LINGO1: variants seen among roughly 807,000 people sequenced by gnomAD.
LINGO1 encodes leucine-rich repeat and immunoglobulin-like domain-containing nogo receptor-interacting protein 1.
LINGO1 carries 11 observed loss-of-function variants against 37.3 expected under a neutral mutation model. The observed-to-expected ratio is 0.29, with a 90% CI of 0.19 to 0.49. The LOEUF (loss-of-function observed/expected upper bound fraction) is 0.49, where lower values mean the gene tolerates loss of function less well. Among genes scored for constraint, LINGO1 ranks in the 20% least tolerant of loss-of-function variants. LINGO1 has a pLI of 0.99. For synonymous variants in LINGO1, 387 were observed against 403.0 expected (o/e 0.96, Z 0.48); for missense variants, 585 against 878.2 (o/e 0.67, Z 4.22).
upstream of LINGO1, among the ~76,000 whole-genome samples, chr15:77,636,699 T>G (rs1307245066): frequency 5.3e-5 from 8 of 152,072 alleles, no homozygotes; most frequent in Non-Finnish European, 1.0e-4. Context: ...TGGGGGGGTC[T>G]CTAAGCTCAG....
chr15:77,674,683 T>C (rs1275297461), intron 3 of LINGO1, among the ~76,000 whole-genome samples: 1 of 152,128 alleles, frequency 6.6e-6, no homozygotes, highest in East Asian at 1.9e-4. Context: ...CACTTCTTGC[T>C]GGTCTTTACT....
chr15:77,688,807 T>C (rs62009135), intron 2 of LINGO1, among the ~76,000 whole-genome samples: 14,439 of 152,306 alleles, frequency 0.095, 858 homozygotes, highest in Non-Finnish European at 0.13. Context: ...ACAAGGTTAT[T>C]AAGCAACTGC....
intron 1 of LINGO1, among the ~76,000 whole-genome samples, chr15:77,814,515 A>G (rs1355636170): frequency 6.6e-6 from 1 of 152,220 alleles, no homozygotes; most frequent in Non-Finnish European, 1.5e-5. Flanking sequence ...AACCTGACCC[A>G]CTTCCCTTTC....
At chr15:77,691,596 C>T (rs2075604006) in intron 1 of LINGO1, among the ~76,000 whole-genome samples, 1 of 152,090 alleles carries the variant, frequency 6.6e-6, no homozygotes, top group African/African-American at 2.4e-5. Context: ...GCCCCTCTAG[C>T]AAAGCAGCCC....
At chr15:77,762,932 C>G (rs1434151074) in intron 1 of LINGO1, among the ~76,000 whole-genome samples, 1 of 152,334 alleles carries the variant, frequency 6.6e-6, no homozygotes, top group African/African-American at 2.4e-5. Flanking sequence ...TCTGTCACCC[C>G]AGCACCAGCT....
intron 2 of LINGO1, among the ~76,000 whole-genome samples, chr15:77,687,870 G>A (rs759383531): frequency 4.3e-4 from 65 of 152,302 alleles, no homozygotes; most frequent in South Asian, 1.0e-3. Flanking sequence ...TTCCAAAAGA[G>A]GGAAGCAGAA....
At chr15:77,654,751 T>C (rs1188877287) in intron 3 of LINGO1, among the ~76,000 whole-genome samples, 5 of 152,188 alleles carry the variant, frequency 3.3e-5, no homozygotes, top group Non-Finnish European at 1.5e-5. Flanking sequence ...GGTAAGTTAC[T>C]GTCCTTTTCT....
At chr15:77,718,999 TG>T (rs1328112220) in intron 2 of LINGO1, among the ~76,000 whole-genome samples, 3 of 150,514 alleles carry the variant, frequency 2.0e-5, no homozygotes, top group African/African-American at 7.3e-5. Flanking sequence ...AGTCTGTGTC[TG>T]GGGCAGAGTG....
At chr15:77,711,888 G>T (rs55858810) in intron 2 of LINGO1, among the ~76,000 whole-genome samples, 72,550 of 151,948 alleles carry the variant, frequency 0.48, 17,651 homozygotes, top group Admixed American at 0.59. Flanking sequence ...CTCTGAGGGG[G>T]GGGCACACAG....
chr15:77,773,686 GCACTTGCCTGGGGTCA>G (rs1029291001), intron 1 of LINGO1, among the ~76,000 whole-genome samples: 4 of 152,086 alleles, frequency 2.6e-5, no homozygotes, highest in Non-Finnish European at 4.4e-5. Context: ...AGGCTCGAAG[GCACTTGCCTGGGGTCA>G]CACTTGCCTG....
At chr15:77,804,757 C>A (rs2076946372) in intron 1 of LINGO1, among the ~76,000 whole-genome samples, 1 of 152,192 alleles carries the variant, frequency 6.6e-6, no homozygotes, top group African/African-American at 2.4e-5. Flanking sequence ...CCAGCTGCAG[C>A]AGGCTACTGG....
At chr15:77,712,569 C>A (rs1255396128) in intron 2 of LINGO1, among the ~76,000 whole-genome samples, 1 of 152,196 alleles carries the variant, frequency 6.6e-6, no homozygotes, top group Non-Finnish European at 1.5e-5. Context: ...GCAATTCCAG[C>A]ACTGCCCAGC....
chr15:77,765,021 G>A (rs2076513519), intron 1 of LINGO1, among the ~76,000 whole-genome samples: 2 of 152,198 alleles, frequency 1.3e-5, no homozygotes, highest in African/African-American at 2.4e-5. Flanking sequence ...AATCTTTTCT[G>A]TGCATAAATC....
At chr15:77,816,124 C>A (rs2077046013) in intron 1 of LINGO1, among the ~76,000 whole-genome samples, 1 of 152,222 alleles carries the variant, frequency 6.6e-6, no homozygotes, top group African/African-American at 2.4e-5. Flanking sequence ...GAAACAGCCC[C>A]TTGCCACTCC....
At chr15:77,626,280 G>T (rs1469707146) in intron 1 of LINGO1, among the ~76,000 whole-genome samples, 1 of 151,580 alleles carries the variant, frequency 6.6e-6, no homozygotes, top group African/African-American at 2.4e-5. Flanking sequence ...AGAGAGTTTG[G>T]GTTATTTCTG....
chr15:77,723,914 C>T (rs1567548242), intron 2 of LINGO1, among the ~76,000 whole-genome samples: 1 of 152,184 alleles, frequency 6.6e-6, no homozygotes, highest in African/African-American at 2.4e-5. Context: ...AGAGACAGAT[C>T]TCTCAGGCTC....
chr15:77,653,928 G>A (rs1414267602), intron 3 of LINGO1, among the ~76,000 whole-genome samples: 2 of 152,252 alleles, frequency 1.3e-5, no homozygotes, highest in Admixed American at 6.5e-5. Context: ...CCCTGTGAGA[G>A]TCATTAAGGA....
intron 1 of LINGO1, among the ~76,000 whole-genome samples, chr15:77,749,859 G>A (rs2076353306): frequency 1.3e-5 from 2 of 152,214 alleles, no homozygotes; most frequent in Non-Finnish European, 2.9e-5. Context: ...GGGCTGGTAA[G>A]AGGAAGTAGG....
At chr15:77,640,014 C>A (rs1293036341) in intron 3 of LINGO1, among the ~76,000 whole-genome samples, 2 of 152,210 alleles carry the variant, frequency 1.3e-5, no homozygotes, top group Non-Finnish European at 2.9e-5. Flanking sequence ...CTATTACTAT[C>A]TCATCTTACA....
Sources: gnomAD v4.1 joint callset for allele counts (sites outside exome capture counted in the v4.1 genomes callset) on GRCh38, gnomAD v4.1.1 for gene constraint, MANE v1.5 for transcripts, NCBI Gene and HGNC (gene_info 2026-07-23, HGNC 2026-07-21) for gene names.